The following H2AC17 variants were observed in gnomAD, a reference collection of about 807,000 sequenced individuals.
H2AC17 encodes histone H2A type 1.
In H2AC17, 10 loss-of-function variants were observed where a neutral mutation model predicts 6.3. The ratio of observed to expected loss-of-function variants is 1.58; its 90% CI spans 0.97 to 2.68. The LOEUF (loss-of-function observed/expected upper bound fraction) is 2.68. H2AC17 is among the 30% of genes most tolerant of loss of function. The pLI is 0.00. For synonymous variants in H2AC17, 138 were observed against 78.3 expected (o/e 1.76, Z -4.02); for missense variants, 207 against 176.0 (o/e 1.18, Z -1.00).
chr6:27,893,037 C>T lies in H2AC17; in HGVS notation c.113G>A (p.Gly38Asp), dbSNP rs774399833. Residue 38 changes from glycine (G) to aspartate (D), a missense_variant, in exon 1 of 1, where the codon GGC (glycine) becomes GAC (aspartate). By Grantham distance (94) the Gly-to-Asp change is moderately conservative (BLOSUM62 -1). Around this residue, in one of 3 missense-constraint regions of H2AC17, gnomAD observed 148 missense variants for 106.0 expected, o/e 1.40. Coordinates refer to ENST00000359611, the MANE Select transcript of H2AC17 (RefSeq NM_003514.2). ...GGCCCCGACCCGCTCAGCGTAGTTG[C>T]CCTTGCGGAGCAGGCGGTGCACTCG... ...VGRVHRLLRK[G>D]NYAERVGAGA... 1.9e-6 allele frequency: 3 copies of T among 1,613,982 alleles called. No homozygotes were observed. The highest frequency in any genetic ancestry group is 2.5e-6 in the Non-Finnish European group (3 of 1,180,002).
rs542452949 is a variant in H2AC17 at position 27,893,135 on chromosome 6, G to A, written c.15C>T (p.Gly5=). MSGR[G]KQGGKARAKA... ...TGGCGCGAGCCTTGCCGCCCTGCTT[G>A]CCACGTCCAGACATGGTAAAACGAC... The change falls in exon 1 of 1, where the codon GGC becomes GGT. Residue 5 remains glycine (G), a synonymous_variant. Transcript: ENST00000359611. 1.1e-5 allele frequency: 17 copies of A among 1,599,798 alleles called. No individual in the cohort carries two copies. Among genetic ancestry groups the A allele is most frequent in the Middle Eastern group, 1.7e-4 (1 of 5,986 alleles).
In H2AC17 at chr6:27,892,865, G is replaced by A. The variant is rs201661468; in HGVS notation, c.285C>T (p.Asn95=). The part of the protein sequence containing the change: ...QLAIRNDEEL[N]KLLGKVTIAQ... ...CGATGGTAACTTTACCAAGCAGCTTGTTGAGCTCCTCGTCGTTGCGGATGG... is the reference window on the plus strand; with the variant it reads ...CGATGGTAACTTTACCAAGCAGCTTATTGAGCTCCTCGTCGTTGCGGATGG... Residue 95 remains asparagine (N), a synonymous_variant, in exon 1 of 1, where the codon AAC becomes AAT. Coordinates refer to ENST00000359611, the MANE Select transcript of H2AC17 (RefSeq NM_003514.2). The A allele has an allele frequency of 7.4e-6, 12 of 1,614,242 alleles. No individual in the cohort carries two copies. The highest frequency in any genetic ancestry group is 1.3e-5 in the African/African-American group (1 of 75,074).
At position 27,893,171 on chromosome 6, in the gene H2AC17, A is replaced by T; in HGVS notation, c.-22T>A. 6.5e-7 allele frequency: 1 copy of T among 1,550,124 alleles called. No individual in the cohort carries two copies. The highest frequency in any genetic ancestry group is 8.7e-7 in the Non-Finnish European group (1 of 1,152,558). ...ACATGGTAAAACGACCTGTGGCCTA[A>T]GTCAGAAAGTGAGTGAAAGGAACCT... On this transcript the variant is annotated 5_prime_UTR_variant, in exon 1 of 1. Transcript: ENST00000359611.
Position 27,893,061 on chromosome 6 carries a change from C to A in H2AC17, c.89G>T (p.Arg30Leu). 1 of 1,613,996 alleles carries A rather than the reference C, an allele frequency of 6.2e-7. No homozygotes were observed. Among genetic ancestry groups the A allele is most frequent in the Non-Finnish European group, 8.5e-7 (1 of 1,179,946 alleles). The change falls in exon 1 of 1, where the codon CGA (arginine) becomes CTA (leucine). Residue 30 changes from arginine (R) to leucine (L), a missense_variant. Transcript: ENST00000359611. ...GCCCTTGCGGAGCAGGCGGTGCACT[C>A]GTCCTACAGGAAATTGGAGCCCAGC... ...SRAGLQFPVG[R>L]VHRLLRKGNY...
In H2AC17 at chr6:27,893,163, G is replaced by A. The variant is rs371584434; in HGVS notation, c.-14C>T. The A allele has an allele frequency of 1.2e-4, 194 of 1,565,616 alleles. 1 individual carries two copies. The highest frequency in any genetic ancestry group is 1.4e-4 in the Non-Finnish European group (166 of 1,158,766). Reference sequence around the variant, plus strand: ...ACGTCCAGACATGGTAAAACGACCTGTGGCCTAAGTCAGAAAGTGAGTGAA... The same window carrying A: ...ACGTCCAGACATGGTAAAACGACCTATGGCCTAAGTCAGAAAGTGAGTGAA... On this transcript the variant is annotated 5_prime_UTR_variant, in exon 1 of 1. Coordinates refer to ENST00000359611, the MANE Select transcript of H2AC17 (RefSeq NM_003514.2).
Position 27,892,938 on chromosome 6 carries a change from G to T in H2AC17, c.212C>A (p.Ala71Asp). The change falls in exon 1 of 1, where the codon GCC (alanine) becomes GAC (aspartate). Residue 71 changes from alanine to aspartate, a missense_variant. This residue lies in a region of H2AC17 where 148 missense variants were observed against 106.0 expected (regional missense o/e 1.40). Coordinates refer to ENST00000359611, the MANE Select transcript of H2AC17 (RefSeq NM_003514.2). ...AEILELAGNA[A>D]RDNKKTRIIP... ...GATGCGGGTCTTTTTGTTGTCGCGGGCTGCGTTGCCCGCCAGCTCCAGGAT... is the reference window on the plus strand; with the variant it reads ...GATGCGGGTCTTTTTGTTGTCGCGGTCTGCGTTGCCCGCCAGCTCCAGGAT... 6.2e-7 allele frequency: 1 copy of T among 1,614,180 alleles called. No homozygotes were observed. The highest frequency in any genetic ancestry group is 2.2e-5 in the East Asian group (1 of 44,870).
rs752679951 is a variant in H2AC17 at position 27,892,940 on chromosome 6, T to C, written c.210A>G (p.Ala70=). 1 of 1,614,212 alleles carries C rather than the reference T, an allele frequency of 6.2e-7. No homozygotes were observed. The highest frequency in any genetic ancestry group is 8.5e-7 in the Non-Finnish European group (1 of 1,180,036). Residue 70 remains alanine, a synonymous_variant, in exon 1 of 1, where the codon GCA becomes GCG. Transcript: ENST00000359611. ...TAEILELAGN[A]ARDNKKTRII... ...TGCGGGTCTTTTTGTTGTCGCGGGC[T>C]GCGTTGCCCGCCAGCTCCAGGATCT...
rs1581496191 is a variant in H2AC17 at position 27,893,059 on chromosome 6, C to G, written c.91G>C (p.Val31Leu). 1 of 1,614,030 alleles carries G rather than the reference C, an allele frequency of 6.2e-7. No individual in the cohort carries two copies. The highest frequency in any genetic ancestry group is 8.5e-7 in the Non-Finnish European group (1 of 1,179,956). Reference protein sequence around the residue: ...RAGLQFPVGRVHRLLRKGNYA... With the variant: ...RAGLQFPVGRLHRLLRKGNYA... ...TTGCCCTTGCGGAGCAGGCGGTGCA[C>G]TCGTCCTACAGGAAATTGGAGCCCA... is the stretch of plus-strand genomic sequence containing the variant. The change falls in exon 1 of 1, where the codon GTG becomes CTG. Residue 31 changes from valine to leucine, a missense_variant. Coordinates refer to ENST00000359611, the MANE Select transcript of H2AC17 (RefSeq NM_003514.2).
rs1761922370 is a variant in H2AC17, at chr6:27,893,003, C to T, written c.147G>A (p.Pro49=). Residue 49 remains proline, a synonymous_variant, in exon 1 of 1, where the codon CCG becomes CCA. Transcript: ENST00000359611. The part of the protein sequence containing the change: ...NYAERVGAGA[P]VYLAAVLEYL... ...ACTCCAGCACCGCCGCCAGGTAAAC[C>T]GGCGCGCCGGCCCCGACCCGCTCAG... 3 of 1,614,100 alleles carry T rather than the reference C, an allele frequency of 1.9e-6. No homozygotes were observed. Among genetic ancestry groups the T allele is most frequent in the African/African-American group, 1.3e-5 (1 of 75,070 alleles).
chr6:27,893,123 G>A lies in H2AC17; in HGVS notation c.27C>T (p.Gly9=). The A allele has an allele frequency of 6.2e-7, 1 of 1,604,474 alleles. No homozygotes were observed. Among genetic ancestry groups the A allele is most frequent in the Non-Finnish European group, 8.5e-7 (1 of 1,174,874 alleles). Residue 9 remains glycine, a synonymous_variant, in exon 1 of 1, where the codon GGC becomes GGT. Coordinates refer to ENST00000359611, the MANE Select transcript of H2AC17 (RefSeq NM_003514.2). MSGRGKQG[G]KARAKAKTRS... is the part of the protein sequence containing the mutation. Reference sequence around the variant, plus strand: ...GGGTTTTGGCCTTGGCGCGAGCCTTGCCGCCCTGCTTGCCACGTCCAGACA... The same window carrying A: ...GGGTTTTGGCCTTGGCGCGAGCCTTACCGCCCTGCTTGCCACGTCCAGACA...
rs191325870 is a variant in H2AC17 at position 27,892,771 on chromosome 6, C to A, written c.379G>T (p.Ala127Ser). 2 of 1,614,064 alleles carry A rather than the reference C, an allele frequency of 1.2e-6. No homozygotes were observed. The highest frequency in any genetic ancestry group is 2.7e-5 in the African/African-American group (2 of 74,920). The change falls in exon 1 of 1, where the codon GCT becomes TCT. Residue 127 changes from alanine to serine, a missense_variant. Physicochemically the swap from Ala to Ser is moderately conservative, Grantham distance 99. Coordinates refer to ENST00000359611, the MANE Select transcript of H2AC17 (RefSeq NM_003514.2). ...LPKKTESHHK[A>S]KGK ...AAGTTCAGCCCTTACTTGCCCTTAGCTTTGTGGTGGCTCTCAGTCTTCTTG... is the reference window on the plus strand; with the variant it reads ...AAGTTCAGCCCTTACTTGCCCTTAGATTTGTGGTGGCTCTCAGTCTTCTTG...
At position 27,892,741 on chromosome 6, in the gene H2AC17, T is replaced by C. The variant is rs1761916843; in HGVS notation, c.*16A>G. Reference sequence around the variant, plus strand: ...AGCCTTTTGTCTTGTAAGTTTACATTTTTAAAGTTCAGCCCTTACTTGCCC... The same window carrying C: ...AGCCTTTTGTCTTGTAAGTTTACATCTTTAAAGTTCAGCCCTTACTTGCCC... On this transcript the variant is annotated 3_prime_UTR_variant, in exon 1 of 1. Transcript: ENST00000359611. 1.2e-6 allele frequency: 2 copies of C among 1,611,872 alleles called. No individual in the cohort carries two copies. Among genetic ancestry groups the C allele is most frequent in the Non-Finnish European group, 1.7e-6 (2 of 1,179,708 alleles).
At position 27,892,937 on chromosome 6, in the gene H2AC17, G is replaced by C. The variant is rs765130259; in HGVS notation, c.213C>G (p.Ala71=). The C allele has an allele frequency of 1.2e-6, 2 of 1,614,184 alleles. No homozygotes were observed. Among genetic ancestry groups the C allele is most frequent in the East Asian group, 4.5e-5 (2 of 44,874 alleles). The change falls in exon 1 of 1, where the codon GCC becomes GCG. Residue 71 remains alanine (A), a synonymous_variant. Coordinates refer to ENST00000359611, the MANE Select transcript of H2AC17 (RefSeq NM_003514.2). ...AEILELAGNA[A]RDNKKTRIIP... ...TGATGCGGGTCTTTTTGTTGTCGCGGGCTGCGTTGCCCGCCAGCTCCAGGA... is the reference window on the plus strand; with the variant it reads ...TGATGCGGGTCTTTTTGTTGTCGCGCGCTGCGTTGCCCGCCAGCTCCAGGA...
At position 27,892,715 on chromosome 6, in the gene H2AC17, G is replaced by T. The variant is rs749119989; in HGVS notation, c.*42C>A. The T allele has an allele frequency of 1.9e-6, 3 of 1,605,650 alleles. No individual in the cohort carries two copies. The African/African-American group carries it at 4.1e-5, about 22-fold the overall frequency. ...TAGAAATGGTGGGTGGCTCTGAAAA[G>T]AGCCTTTTGTCTTGTAAGTTTACAT... On this transcript the variant is annotated 3_prime_UTR_variant, in exon 1 of 1. Coordinates refer to ENST00000359611, the MANE Select transcript of H2AC17 (RefSeq NM_003514.2).
At position 27,892,710 on chromosome 6, in the gene H2AC17, G is replaced by T. The variant is rs373479655; in HGVS notation, c.*47C>A. 1.5e-4 allele frequency: 234 copies of T among 1,606,300 alleles called. No individual in the cohort carries two copies. The highest frequency in any genetic ancestry group is 1.9e-4 in the Non-Finnish European group (227 of 1,175,530). On this transcript the variant is annotated 3_prime_UTR_variant, in exon 1 of 1. Transcript: ENST00000359611. ...TTCCGTAGAAATGGTGGGTGGCTCT[G>T]AAAAGAGCCTTTTGTCTTGTAAGTT...
At position 27,892,755 on chromosome 6, in the gene H2AC17, C is replaced by T. The variant is rs1378880608; in HGVS notation, c.*2G>A. 1 of 1,613,402 alleles carries T rather than the reference C, an allele frequency of 6.2e-7. No homozygotes were observed. The highest frequency in any genetic ancestry group is 2.2e-5 in the East Asian group (1 of 44,876). On this transcript the variant is annotated 3_prime_UTR_variant, in exon 1 of 1. Transcript: ENST00000359611. ...TAAGTTTACATTTTTAAAGTTCAGC[C>T]CTTACTTGCCCTTAGCTTTGTGGTG...
In H2AC17 at chr6:27,892,810, C is replaced by T; in HGVS notation, c.340G>A (p.Ala114Thr). Residue 114 changes from alanine to threonine, a missense_variant, in exon 1 of 1, where the codon GCC becomes ACC. This residue lies in a region of H2AC17 where 53 missense variants were observed against 47.3 expected (regional missense o/e 1.12). Coordinates refer to ENST00000359611, the MANE Select transcript of H2AC17 (RefSeq NM_003514.2). The part of the protein sequence containing the change: ...AQGGVLPNIQ[A>T]VLLPKKTESH... ...TCAGTCTTCTTGGGGAGCAGTACGG[C>T]CTGGATGTTAGGCAGAACACCGCCC... The T allele has an allele frequency of 6.2e-7, 1 of 1,614,196 alleles. No homozygotes were observed. Among genetic ancestry groups the T allele is most frequent in the Non-Finnish European group, 8.5e-7 (1 of 1,180,040 alleles).
chr6:27,893,043 C>T lies in H2AC17; in HGVS notation c.107G>A (p.Arg36His), dbSNP rs772814072. 13 of 1,613,956 alleles carry T rather than the reference C, an allele frequency of 8.1e-6. No individual in the cohort carries two copies. The highest frequency in any genetic ancestry group is 1.7e-5 in the Admixed American group (1 of 59,994). The change falls in exon 1 of 1, where the codon CGC becomes CAC. Residue 36 changes from arginine to histidine, a missense_variant. Around this residue, in one of 3 missense-constraint regions of H2AC17, gnomAD observed 148 missense variants for 106.0 expected, o/e 1.40. Transcript: ENST00000359611. Reference sequence around the variant, plus strand: ...GACCCGCTCAGCGTAGTTGCCCTTGCGGAGCAGGCGGTGCACTCGTCCTAC... The same window carrying T: ...GACCCGCTCAGCGTAGTTGCCCTTGTGGAGCAGGCGGTGCACTCGTCCTAC... ...FPVGRVHRLL[R>H]KGNYAERVGA...
In H2AC17 at chr6:27,892,823, C is replaced by G; in HGVS notation, c.327G>C (p.Leu109=). The change falls in exon 1 of 1, where the codon CTG becomes CTC. Residue 109 remains leucine, a synonymous_variant. Coordinates refer to ENST00000359611, the MANE Select transcript of H2AC17 (RefSeq NM_003514.2). ...GKVTIAQGGV[L]PNIQAVLLPK... is the part of the protein sequence containing the mutation. ...GGAGCAGTACGGCCTGGATGTTAGGCAGAACACCGCCCTGAGCGATGGTAA... is the reference window on the plus strand; with the variant it reads ...GGAGCAGTACGGCCTGGATGTTAGGGAGAACACCGCCCTGAGCGATGGTAA... 6.2e-7 allele frequency: 1 copy of G among 1,614,224 alleles called. No individual in the cohort carries two copies. The highest frequency in any genetic ancestry group is 8.5e-7 in the Non-Finnish European group (1 of 1,180,048).
Sources: allele counts gnomAD v4.1 joint callset, GRCh38; gene constraint gnomAD v4.1.1; regional missense constraint gnomAD v4.1.1; transcripts MANE v1.5; gene names NCBI Gene and HGNC (gene_info 2026-07-23, HGNC 2026-07-21).